The following RORB variants were observed in gnomAD, a reference collection of about 807,000 sequenced individuals.
RORB encodes nuclear receptor ROR-beta.
Under a neutral mutation model 59.1 loss-of-function variants are expected in RORB, and 6 were observed. The observed-to-expected ratio is 0.10, with a 90% CI of 0.06 to 0.20. RORB has a LOEUF of 0.20. RORB is among the 10% of genes least tolerant of loss of function. RORB has a pLI of 1.00. For synonymous variants in RORB, 215 were observed against 204.5 expected, an observed-to-expected ratio of 1.05 and a Z score of -0.44; for missense variants, 320 against 560.5, an observed-to-expected ratio of 0.57 and a Z score of 4.33.
chr9:74,531,666 C>G (rs907250778), intron 1 of RORB, among the ~76,000 whole-genome samples: 2 of 151,810 alleles, frequency 1.3e-5, no homozygotes, highest in African/African-American at 2.4e-5. Context: ...TTATTTGGCT[C>G]CTTTAATATA....
chr9:74,672,052 G>C (rs894958119), intron 9 of RORB, 151 bp downstream of exon 9: 3 of 541,260 alleles, frequency 5.5e-6, no homozygotes, highest in Non-Finnish European at 1.0e-5. Flanking sequence ...ATTTAAAAGA[G>C]AGGCTAGTGA....
chr9:74,499,262 G>A (rs1587327151), intron 1 of RORB: 1 of 152,592 alleles, frequency 6.6e-6, no homozygotes, highest in South Asian at 2.1e-4. Flanking sequence ...ACTTGGGAGA[G>A]TTGGGATGCA....
chr9:74,498,399 G>C (rs545436659), intron 1 of RORB: 6 of 178,480 alleles, frequency 3.4e-5, no homozygotes, highest in Admixed American at 2.4e-4. Context: ...CGCGCGGGGC[G>C]CACCGGCCGG....
At chr9:74,507,112 G>A (rs1825880645) in intron 1 of RORB, among the ~76,000 whole-genome samples, 1 of 152,066 alleles carries the variant, frequency 6.6e-6, no homozygotes, top group African/African-American at 2.4e-5. Context: ...CCTAGGTTAT[G>A]TGACAATGGA....
At chr9:74,524,977 A>T (rs1181816247) in intron 1 of RORB, among the ~76,000 whole-genome samples, 2 of 151,890 alleles carry the variant, frequency 1.3e-5, no homozygotes, top group Non-Finnish European at 2.9e-5. Flanking sequence ...CATAACACAA[A>T]GCTAAGGATA....
At chr9:74,615,525 C>A in intron 1 of RORB, 1 of 410,580 alleles carries the variant, frequency 2.4e-6, no homozygotes. Flanking sequence ...TGTGGGTTAA[C>A]GCAGGGGCAG....
intron 1 of RORB, among the ~76,000 whole-genome samples, chr9:74,564,513 A>G (rs1822441880): frequency 6.6e-6 from 1 of 152,048 alleles, no homozygotes. Context: ...ATTTTCTCCC[A>G]TTTGGGTAGA....
chr9:74,558,839 C>A (rs551820764), intron 1 of RORB, among the ~76,000 whole-genome samples: 1 of 152,272 alleles, frequency 6.6e-6, no homozygotes, highest in East Asian at 1.9e-4. Context: ...TTTACATAAG[C>A]CTTAAGACTG....
chr9:74,523,982 T>G (rs986581491), intron 1 of RORB, among the ~76,000 whole-genome samples: 2 of 150,218 alleles, frequency 1.3e-5, no homozygotes, highest in Non-Finnish European at 3.0e-5. Flanking sequence ...GCCATGACTT[T>G]ATTCACTGAA....
intron 1 of RORB, among the ~76,000 whole-genome samples, chr9:74,625,427 A>G (rs1427177693): frequency 2.0e-5 from 3 of 152,196 alleles, no homozygotes; most frequent in African/African-American, 7.2e-5. Flanking sequence ...CAGCCTGGAC[A>G]ACATAGCAAG....
chr9:74,560,163 A>G (rs1822373638), intron 1 of RORB, among the ~76,000 whole-genome samples: 1 of 152,142 alleles, frequency 6.6e-6, no homozygotes. Flanking sequence ...TTCTCATACA[A>G]TACGTCGTTT....
rs957594714 is a variant in RORB at position 74,519,658 on chromosome 9, C to A, written c.7+21675C>A. Among the ~76,000 whole-genome samples, 16 of 151,958 alleles carry A rather than the reference C, an allele frequency of 1.1e-4. No homozygotes were observed. The South Asian group carries it at 1.2e-3, about 12-fold the overall frequency. On this transcript the variant is annotated intron_variant, in intron 1 of 9. Transcript: ENST00000376896. ...GCTGAGCTCCTCCCGCCAAACAATG[C>A]GCTGCCCAAATCATCTTTACAATTC...
intron 1 of RORB, among the ~76,000 whole-genome samples, chr9:74,530,723 TTTA>T (rs1237200898): frequency 6.6e-6 from 1 of 151,956 alleles, no homozygotes; most frequent in Non-Finnish European, 1.5e-5. Context: ...ATTGAGATTT[TTTA>T]TTATTATTAT....
chr9:74,593,061 G>A (rs1822922835), intron 1 of RORB, among the ~76,000 whole-genome samples: 1 of 152,072 alleles, frequency 6.6e-6, no homozygotes, highest in African/African-American at 2.4e-5. Flanking sequence ...ATCCATTACT[G>A]AAACATCTAG....
At chr9:74,640,365 C>T (rs950970884) in intron 3 of RORB, among the ~76,000 whole-genome samples, 7 of 152,102 alleles carry the variant, frequency 4.6e-5, no homozygotes, top group South Asian at 4.2e-4. Flanking sequence ...CTCAGCCTCC[C>T]GAGTAGCTGG....
chr9:74,577,045 A>G (rs1468183914), intron 1 of RORB, among the ~76,000 whole-genome samples: 1 of 152,142 alleles, frequency 6.6e-6, no homozygotes, highest in Non-Finnish European at 1.5e-5. Flanking sequence ...AAGTGTATGT[A>G]GGTTACAAGA....
intron 1 of RORB, among the ~76,000 whole-genome samples, chr9:74,615,973 A>G (rs1457240959): frequency 6.6e-6 from 1 of 152,148 alleles, no homozygotes; most frequent in Non-Finnish European, 1.5e-5. Context: ...TGTAGCTTTG[A>G]TTTTGGTCAT....
chr9:74,611,742 G>C (rs535100479), intron 1 of RORB, among the ~76,000 whole-genome samples: 54 of 152,254 alleles, frequency 3.5e-4, no homozygotes, highest in Non-Finnish European at 6.5e-4. Flanking sequence ...CCACCTCCCA[G>C]GCTCAAGCGA....
intron 1 of RORB, among the ~76,000 whole-genome samples, chr9:74,582,143 A>C (rs1189295748): frequency 6.6e-6 from 1 of 152,166 alleles, no homozygotes; most frequent in Non-Finnish European, 1.5e-5. Context: ...TAACACTCAA[A>C]ATGGCATTGT....
Sources: gnomAD v4.1 joint callset for allele counts (sites outside exome capture counted in the v4.1 genomes callset) on GRCh38, gnomAD v4.1.1 for gene constraint, MANE v1.5 for transcripts, NCBI Gene and HGNC (gene_info 2026-07-23, HGNC 2026-07-21) for gene names.